CA10: variants seen among roughly 807,000 people sequenced by gnomAD.
CA10 encodes carbonic anhydrase 10 (inactive).
Under a neutral mutation model 44.2 loss-of-function variants are expected in CA10, and 14 were observed. The observed-to-expected ratio is 0.32, with a 90% CI of 0.21 to 0.50. The LOEUF (loss-of-function observed/expected upper bound fraction) is 0.50, where lower values mean the gene tolerates loss of function less well. CA10 is among the 20% of genes least tolerant of loss of function. The pLI is 0.99. For synonymous variants in CA10, 159 were observed against 141.6 expected, an observed-to-expected ratio of 1.12 and a Z score of -0.87; for missense variants, 350 against 409.7, an observed-to-expected ratio of 0.85 and a Z score of 1.26.
At chr17:51,989,160 T>TC (rs1191181647) in intron 2 of CA10, among the ~76,000 whole-genome samples, 1 of 151,950 alleles carries the variant, frequency 6.6e-6, no homozygotes, top group Non-Finnish European at 1.5e-5. Context: ...TTTCTTTTTT[T>TC]TTTTTTTTTA....
At chr17:51,926,357 C>T (rs1162363558) in intron 3 of CA10, among the ~76,000 whole-genome samples, 1 of 152,066 alleles carries the variant, frequency 6.6e-6, no homozygotes, top group African/African-American at 2.4e-5. Context: ...TACAAAAATG[C>T]CAAAAAGTTT....
rs60269292 is a variant in CA10 at position 51,754,285 on chromosome 17, A to AGTGT, written c.280-6471_280-6468dup. ...TCAGGGTTCTCTAGAGAAACAGAAT[A>AGTGT]GTGTGTGTGTGTGTGTGTGTGTGTG... is the stretch of plus-strand genomic sequence containing the variant. On this transcript the variant is annotated intron_variant, in intron 3 of 8. Transcript: ENST00000451037. 7.9e-3 allele frequency among the ~76,000 whole-genome samples: 1,120 copies of AGTGT among 140,912 alleles called. 8 individuals are homozygous for AGTGT. Among genetic ancestry groups the AGTGT allele is most frequent in the Middle Eastern group, 0.025 (7 of 282 alleles). The allele number at this position is 140,912 out of a possible 152,430, so 92.4% of individuals were successfully genotyped here. A position where few individuals can be genotyped will look rare whatever the true frequency, so the allele number is the denominator to read the frequency against.
At chr17:51,836,120 G>T (rs1055625010) in intron 3 of CA10, among the ~76,000 whole-genome samples, 1 of 152,182 alleles carries the variant, frequency 6.6e-6, no homozygotes, top group African/African-American at 2.4e-5. Context: ...GTCAGTGCAG[G>T]TTTATGTTTC....
In CA10 at chr17:51,821,597, G is replaced by A. The variant is rs139397655; in HGVS notation, c.280-73779C>T. On this transcript the variant is annotated intron_variant, in intron 3 of 8. Coordinates refer to ENST00000451037, the MANE Select transcript of CA10 (RefSeq NM_020178.5). ...CCCATCCAGTCTAGTCTACATCCAG[G>A]GGTCAGGAAGAACTTGTAAAAACTG... 7.2e-3 allele frequency among the ~76,000 whole-genome samples: 1,102 copies of A among 152,036 alleles called. 8 individuals carry two copies. Among genetic ancestry groups the A allele is most frequent in the Non-Finnish European group, 0.01 (712 of 68,004 alleles).
intron 1 of CA10, among the ~76,000 whole-genome samples, chr17:52,132,765 T>C (rs1989269935): frequency 6.6e-6 from 1 of 152,066 alleles, no homozygotes; most frequent in South Asian, 2.1e-4. Context: ...TTGTATAGGT[T>C]AACACAATAG....
intron 2 of CA10, among the ~76,000 whole-genome samples, chr17:52,011,586 G>C (rs1380244596): frequency 6.6e-6 from 1 of 151,974 alleles, no homozygotes; most frequent in African/African-American, 2.4e-5. Flanking sequence ...TTTGCCAAAA[G>C]AACATTTGGA....
At chr17:51,957,914 A>C (rs1983727769) in intron 2 of CA10, among the ~76,000 whole-genome samples, 1 of 151,726 alleles carries the variant, frequency 6.6e-6, no homozygotes, top group South Asian at 2.1e-4. Flanking sequence ...TCCCCCCGAG[A>C]GGGGTGAATC....
intron 4 of CA10, among the ~76,000 whole-genome samples, chr17:51,659,313 C>A (rs1597968078): frequency 1.3e-5 from 2 of 152,160 alleles, no homozygotes; most frequent in Non-Finnish European, 2.9e-5. Context: ...CTGGGACTTA[C>A]ACTAGCGACC....
intron 1 of CA10, among the ~76,000 whole-genome samples, chr17:52,102,545 G>T (rs529459430): frequency 2.0e-5 from 3 of 152,282 alleles, no homozygotes; most frequent in Non-Finnish European, 4.4e-5. Context: ...ATCAAAAGCT[G>T]CCATCTAACA....
intron 1 of CA10, among the ~76,000 whole-genome samples, chr17:52,121,075 C>T (rs1324687154): frequency 2.0e-5 from 3 of 152,194 alleles, no homozygotes; most frequent in African/African-American, 7.2e-5. Context: ...CACTTCCCTG[C>T]CTCCAAGAAT....
intron 2 of CA10, among the ~76,000 whole-genome samples, chr17:51,938,969 T>C (rs1982972164): frequency 6.6e-6 from 1 of 151,996 alleles, no homozygotes; most frequent in Non-Finnish European, 1.5e-5. Flanking sequence ...AAGGAAGTAA[T>C]GTATGTATGG....
chr17:51,967,283 T>C (rs1984115261), intron 2 of CA10, among the ~76,000 whole-genome samples: 1 of 151,602 alleles, frequency 6.6e-6, no homozygotes, highest in East Asian at 1.9e-4. Context: ...GTTTGGAAAC[T>C]TCTTGAAGAA....
chr17:51,985,128 C>G (rs1232203111), intron 2 of CA10, among the ~76,000 whole-genome samples: 2 of 152,044 alleles, frequency 1.3e-5, no homozygotes, highest in South Asian at 2.1e-4. Flanking sequence ...AAAATACTAG[C>G]TAACTGAATC....
chr17:51,642,537 C>T (rs1220555046), intron 6 of CA10, among the ~76,000 whole-genome samples: 1 of 152,172 alleles, frequency 6.6e-6, no homozygotes, highest in Non-Finnish European at 1.5e-5. Context: ...AGGGCTTGTG[C>T]CACGTGTCAA....
chr17:51,989,296 CT>C (rs1215006316), intron 2 of CA10, among the ~76,000 whole-genome samples: 1 of 151,656 alleles, frequency 6.6e-6, no homozygotes, highest in African/African-American at 2.4e-5. Flanking sequence ...GTTATTTTTC[CT>C]GATTCCTTTC....
At position 51,984,072 on chromosome 17, in the gene CA10, G is replaced by C. The variant is rs116133336; in HGVS notation, c.137-52940C>G. Among the ~76,000 whole-genome samples, 538 of 151,768 alleles carry C rather than the reference G, an allele frequency of 3.5e-3. 5 individuals carry two copies. Among genetic ancestry groups the C allele is most frequent in the South Asian group, 0.022 (106 of 4,818 alleles). ...TTATTCTTATTCTAGTGTTTTTCAA[G>C]TTTTAATGAATTCTGATTCTATTAG... On this transcript the variant is annotated intron_variant, in intron 2 of 8. Coordinates refer to ENST00000451037, the MANE Select transcript of CA10 (RefSeq NM_020178.5).
At chr17:51,676,163 C>T (rs1278824770) in intron 4 of CA10, among the ~76,000 whole-genome samples, 2 of 152,198 alleles carry the variant, frequency 1.3e-5, no homozygotes, top group South Asian at 4.1e-4. Flanking sequence ...CATTGCTGGA[C>T]TCTGTACTTT....
intron 1 of CA10, among the ~76,000 whole-genome samples, chr17:52,135,603 A>C (rs1002560394): frequency 1.3e-5 from 2 of 152,020 alleles, no homozygotes; most frequent in African/African-American, 4.8e-5. Context: ...CTCTCCCTTG[A>C]AGTGTCTGTT....
intron 2 of CA10, among the ~76,000 whole-genome samples, chr17:51,945,603 A>G (rs1983243691): frequency 6.6e-6 from 1 of 152,082 alleles, no homozygotes; most frequent in South Asian, 2.1e-4. Context: ...ACCACTTAAC[A>G]GGGGGATTAG....
Sources: gnomAD v4.1 joint callset for allele counts (sites outside exome capture counted in the v4.1 genomes callset) on GRCh38, gnomAD v4.1.1 for gene constraint, MANE v1.5 for transcripts, NCBI Gene and HGNC (gene_info 2026-07-23, HGNC 2026-07-21) for gene names.